The following SNTG1 variants were observed in gnomAD, a reference collection of about 807,000 sequenced individuals.
SNTG1 encodes gamma-1-syntrophin.
Under a neutral mutation model 74.7 loss-of-function variants are expected in SNTG1, and 39 were observed. The ratio of observed to expected loss-of-function variants is 0.52; its 90% confidence interval spans 0.40 to 0.68. SNTG1 has a LOEUF of 0.68. Among genes scored for constraint, SNTG1 ranks in the 30% least tolerant of loss-of-function variants. The pLI, the probability that SNTG1 is intolerant of heterozygous loss-of-function variation, is 0.00. For synonymous variants in SNTG1, 254 were observed against 217.1 expected, an observed-to-expected ratio of 1.17 and a Z score of -1.49; for missense variants, 685 against 609.5, an observed-to-expected ratio of 1.12 and a Z score of -1.30.
intron 2 of SNTG1, among the ~76,000 whole-genome samples, chr8:50,202,812 G>A (rs1433691907): frequency 6.8e-6 from 1 of 147,322 alleles, no homozygotes; most frequent in Non-Finnish European, 1.5e-5. Context: ...TTTTTTTACA[G>A]TTTGAAAATG....
chr8:50,156,040 G>A (rs540337669), intron 1 of SNTG1, among the ~76,000 whole-genome samples: 4 of 151,984 alleles, frequency 2.6e-5, no homozygotes, highest in Non-Finnish European at 5.9e-5. Context: ...AACTTTTATT[G>A]AAAAATAGAA....
Position 50,498,770 on chromosome 8 carries a change from G to A in SNTG1, c.364-4008G>A, listed in dbSNP as rs185111231. Among the ~76,000 whole-genome samples, 6 of 151,868 alleles carry A rather than the reference G, an allele frequency of 4.0e-5. No individual in the cohort carries two copies. The East Asian group carries it at 7.7e-4, about 20-fold the overall frequency. ...CACTCTGAGTTAGTATTAGTATGTC[G>A]TGTAAGGTATAGCTCAAAGCTCCTT... On this transcript the variant is annotated intron_variant, in intron 8 of 18. Coordinates refer to ENST00000642720, the MANE Select transcript of SNTG1 (RefSeq NM_018967.5).
intron 2 of SNTG1, among the ~76,000 whole-genome samples, chr8:50,220,944 C>A (rs534486399): frequency 6.6e-6 from 1 of 152,182 alleles, no homozygotes; most frequent in Non-Finnish European, 1.5e-5. Flanking sequence ...ATTCACCTTA[C>A]AGAAACTCAC....
intron 2 of SNTG1, among the ~76,000 whole-genome samples, chr8:50,345,229 C>T (rs1341428107): frequency 6.6e-6 from 1 of 152,194 alleles, no homozygotes; most frequent in East Asian, 1.9e-4. Context: ...GGAACAGGCA[C>T]AGAATAGACA....
chr8:50,745,720 AGCCATGGATG>A (rs1362283711), intron 17 of SNTG1, among the ~76,000 whole-genome samples: 1 of 152,038 alleles, frequency 6.6e-6, no homozygotes. Context: ...AATATTATTT[AGCCATGGATG>A]GGCCTCGAAA....
intron 17 of SNTG1, among the ~76,000 whole-genome samples, chr8:50,709,513 T>C (rs1266797457): frequency 1.3e-5 from 2 of 152,186 alleles, no homozygotes; most frequent in Admixed American, 6.5e-5. Flanking sequence ...AGGTGCTCTT[T>C]TCCCAAAGTG....
intron 15 of SNTG1, among the ~76,000 whole-genome samples, chr8:50,675,217 C>A (rs2095304522): frequency 6.6e-6 from 1 of 151,974 alleles, no homozygotes; most frequent in Admixed American, 6.6e-5. Context: ...TCCTGAATAT[C>A]CTTGTTAATT....
At chr8:50,169,679 T>C (rs1262853299) in intron 1 of SNTG1, among the ~76,000 whole-genome samples, 1 of 152,226 alleles carries the variant, frequency 6.6e-6, no homozygotes, top group East Asian at 1.9e-4. Context: ...ATTTACTTCA[T>C]TAGCTGTAGT....
At chr8:50,298,091 T>C (rs2089475300) in intron 2 of SNTG1, among the ~76,000 whole-genome samples, 1 of 151,902 alleles carries the variant, frequency 6.6e-6, no homozygotes, top group Non-Finnish European at 1.5e-5. Flanking sequence ...GCTTTACACC[T>C]GCTCATCCCT....
intron 1 of SNTG1, among the ~76,000 whole-genome samples, chr8:50,065,987 C>G (rs1198617496): frequency 6.6e-6 from 1 of 152,136 alleles, no homozygotes; most frequent in African/African-American, 2.4e-5. Flanking sequence ...GAGGCCGAGG[C>G]AGGCGGATCA....
chr8:50,061,045 C>G (rs117075493), intron 1 of SNTG1, among the ~76,000 whole-genome samples: 1,626 of 152,098 alleles, frequency 0.011, 15 homozygotes, highest in South Asian at 0.027. Context: ...GTGTTGCTAC[C>G]TGGGTACTGG....
At chr8:50,106,641 G>A (rs888301497) in intron 1 of SNTG1, among the ~76,000 whole-genome samples, 1 of 152,248 alleles carries the variant, frequency 6.6e-6, no homozygotes, top group Admixed American at 6.5e-5. Flanking sequence ...TCTATCAAAA[G>A]TATTTTCTGC....
rs2131321164 is a variant in SNTG1 at position 50,395,982 on chromosome 8, G to A, written c.27+1717G>A. On this transcript the variant is annotated intron_variant, in intron 3 of 18. Coordinates refer to ENST00000642720, the MANE Select transcript of SNTG1 (RefSeq NM_018967.5). ...ATTCATATGGTACAGATTGGACAGT[G>A]GTCAAATACTATTTAACAAATGGTT... is the stretch of plus-strand genomic sequence containing the variant. Among the ~76,000 whole-genome samples the A allele has an allele frequency of 1.3e-5, 2 of 152,260 alleles. 1 individual carries two copies. The highest frequency in any genetic ancestry group is 6.8e-3 in the Middle Eastern group (2 of 294).
Position 50,054,198 on chromosome 8 carries a change from C to T in SNTG1, c.-102-118363C>T, listed in dbSNP as rs138423435. On this transcript the variant is annotated intron_variant, in intron 1 of 18. Coordinates refer to ENST00000642720, the MANE Select transcript of SNTG1 (RefSeq NM_018967.5). ...TTAATGGACTCCAACTGTGACAACACGACTCATCTTTCCCAAATGGGCTCC... is the reference window on the plus strand; with the variant it reads ...TTAATGGACTCCAACTGTGACAACATGACTCATCTTTCCCAAATGGGCTCC... 6.6e-5 allele frequency among the ~76,000 whole-genome samples: 10 copies of T among 152,180 alleles called. No individual in the cohort carries two copies. The East Asian group carries it at 1.4e-3, about 21-fold the overall frequency.
chr8:49,981,478 G>A (rs974146970), intron 1 of SNTG1, among the ~76,000 whole-genome samples: 4 of 152,088 alleles, frequency 2.6e-5, no homozygotes, highest in African/African-American at 9.7e-5. Context: ...TAGATTTACA[G>A]TAGTGCACTA....
chr8:50,340,983 C>T (rs545935887), intron 2 of SNTG1, among the ~76,000 whole-genome samples: 1 of 151,888 alleles, frequency 6.6e-6, no homozygotes, highest in Non-Finnish European at 1.5e-5. Flanking sequence ...AGACTTAATT[C>T]ATCTAATCCA....
chr8:50,604,341 A>G (rs964584921), intron 13 of SNTG1, among the ~76,000 whole-genome samples: 4 of 152,048 alleles, frequency 2.6e-5, no homozygotes, highest in Non-Finnish European at 4.4e-5. Context: ...ACTTGAGCCC[A>G]GCAGGTGGAG....
intron 17 of SNTG1, among the ~76,000 whole-genome samples, chr8:50,731,456 A>G (rs1585659711): frequency 6.6e-6 from 1 of 152,140 alleles, no homozygotes; most frequent in Non-Finnish European, 1.5e-5. Context: ...TCTCATTACT[A>G]TATCTTGATT....
At chr8:50,551,434 A>G (rs1254289106) in intron 11 of SNTG1, among the ~76,000 whole-genome samples, 2 of 152,150 alleles carry the variant, frequency 1.3e-5, no homozygotes, top group Admixed American at 1.3e-4. Context: ...TAGCTAAAAA[A>G]TCTAGCTGCT....
Sources: allele counts gnomAD v4.1 joint callset (sites outside exome capture counted in the v4.1 genomes callset), GRCh38; gene constraint gnomAD v4.1.1; transcripts MANE v1.5; gene names NCBI Gene and HGNC (gene_info 2026-07-23, HGNC 2026-07-21).